The following ANKHD1 variants were observed in gnomAD, a reference collection of about 807,000 sequenced individuals.
The protein encoded by ANKHD1 is ankyrin repeat and KH domain-containing protein 1.
Under a neutral mutation model 230.5 loss-of-function variants are expected in ANKHD1, and 31 were observed. The observed-to-expected ratio is 0.13, with a 90% CI of 0.10 to 0.18. The LOEUF (loss-of-function observed/expected upper bound fraction) is 0.18, where lower values mean the gene tolerates loss of function less well. Ranked by LOEUF, ANKHD1 falls within the 10% of genes least tolerant of loss-of-function variation. The pLI, the probability that ANKHD1 is intolerant of heterozygous loss-of-function variation, is 1.00. For missense variants in ANKHD1, 2,256 were observed against 3,071.3 expected (o/e 0.73, Z 6.27); for synonymous variants, 1,074 against 1,117.6 (o/e 0.96, Z 0.78).
At chr5:140,417,958 G>GC (rs1426877111) in intron 1 of ANKHD1, among the ~76,000 whole-genome samples, 1 of 147,856 alleles carries the variant, frequency 6.8e-6, no homozygotes, top group African/African-American at 2.5e-5. Flanking sequence ...TCCTGCTTCA[G>GC]CCCCCCGAGT....
chr5:140,507,399 C>T lies in ANKHD1; in HGVS notation c.3552-386C>T, dbSNP rs1461663490. Among the ~76,000 whole-genome samples, 8 of 152,236 alleles carry T rather than the reference C, an allele frequency of 5.3e-5. No homozygotes were observed. Among genetic ancestry groups the T allele is most frequent in the South Asian group, 2.1e-4 (1 of 4,838 alleles). ...CTTGGCTTACCGCGAACTCTGCCTC[C>T]GGGGTTCAAGCGATTCTTATGCCTC... On this transcript the variant is annotated intron_variant, in intron 19 of 33. Coordinates refer to ENST00000360839, the MANE Select transcript of ANKHD1 (RefSeq NM_017747.3). This position sits in a 1 kb window ranked among gnomAD's most constrained non-coding sequence, Gnocchi z 4.1.
intron 15 of ANKHD1, among the ~76,000 whole-genome samples, chr5:140,501,736 G>A (rs964924496): frequency 2.0e-5 from 3 of 148,546 alleles, no homozygotes; most frequent in Non-Finnish European, 3.0e-5. Context: ...GTAACAGAGC[G>A]AGACTTCATC....
At chr5:140,508,193 A>C (rs758074165) in intron 20 of ANKHD1, among the ~76,000 whole-genome samples, 195 bp downstream of exon 20, 4 of 152,232 alleles carry the variant, frequency 2.6e-5, no homozygotes, top group Non-Finnish European at 5.9e-5. Context: ...ACAATGAAGA[A>C]AACAGAATTA....
At chr5:140,472,227 T>C (rs1489938206) in intron 10 of ANKHD1, 1 of 1,611,560 alleles carries the variant, frequency 6.2e-7, no homozygotes, top group South Asian at 1.1e-5. Context: ...GTTCTTCTTT[T>C]TCCTTTCGCA....
At chr5:140,521,470 A>C (rs560405020) in intron 24 of ANKHD1, among the ~76,000 whole-genome samples, 1 of 152,058 alleles carries the variant, frequency 6.6e-6, no homozygotes, top group Non-Finnish European at 1.5e-5. Context: ...CCCTGTCTCT[A>C]CTTAAAAAAA....
chr5:140,485,571 A>C lies in ANKHD1; in HGVS notation c.1999-18A>C, dbSNP rs201970625. On this transcript the variant is annotated intron_variant, in intron 12 of 33. Transcript: ENST00000360839. This position sits in a 1 kb window ranked among gnomAD's most constrained non-coding sequence, Gnocchi z 4.8. Reference sequence around the variant, plus strand: ...AAGAAACTATAAAGAATTAATTATCATGGCAATTCTTTTTCAGGATGGTTC... The same window carrying C: ...AAGAAACTATAAAGAATTAATTATCCTGGCAATTCTTTTTCAGGATGGTTC... The C allele has an allele frequency of 2.5e-5, 40 of 1,611,312 alleles. No homozygotes were observed. Among genetic ancestry groups the C allele is most frequent in the Non-Finnish European group, 5.9e-6 (7 of 1,179,238 alleles).
chr5:140,491,936 G>A (rs1177593798), intron 14 of ANKHD1, among the ~76,000 whole-genome samples: 1 of 152,174 alleles, frequency 6.6e-6, no homozygotes, highest in Non-Finnish European at 1.5e-5. Context: ...TTTTAAGAAA[G>A]ACATTGTGAT....
At chr5:140,437,814 G>A (rs983876699) in intron 2 of ANKHD1, among the ~76,000 whole-genome samples, 12 of 152,060 alleles carry the variant, frequency 7.9e-5, no homozygotes, top group Admixed American at 6.6e-4. Context: ...TTTTGAGAGG[G>A]CCTCACACCT....
intron 10 of ANKHD1, among the ~76,000 whole-genome samples, chr5:140,481,283 C>T (rs1172062548): frequency 6.6e-6 from 1 of 151,938 alleles, no homozygotes; most frequent in Non-Finnish European, 1.5e-5. Context: ...AAGTAAATTG[C>T]CAGAATGTTA....
At chr5:140,489,948 A>G (rs577371588) in intron 14 of ANKHD1, among the ~76,000 whole-genome samples, 30 of 152,354 alleles carry the variant, frequency 2.0e-4, no homozygotes, top group African/African-American at 6.0e-4. Context: ...TTATGTTGCT[A>G]TGAATTAGGA....
chr5:140,509,461 A>G (rs1036144718), intron 20 of ANKHD1, among the ~76,000 whole-genome samples, 176 bp from the exon 21 acceptor site: 1 of 152,242 alleles, frequency 6.6e-6, no homozygotes, highest in Non-Finnish European at 1.5e-5. Flanking sequence ...ACTGCTGTTT[A>G]GTAAAATTCA....
intron 11 of ANKHD1, 91 bp downstream of exon 11, chr5:140,482,758 AC>A: frequency 7.3e-7 from 1 of 1,371,300 alleles, no homozygotes; most frequent in Non-Finnish European, 1.0e-6. Flanking sequence ...TGGCTACTTT[AC>A]CTACAGTAAA....
At chr5:140,408,143 C>CTG (rs1190374219) in intron 1 of ANKHD1, among the ~76,000 whole-genome samples, 1 of 152,128 alleles carries the variant, frequency 6.6e-6, no homozygotes, top group Non-Finnish European at 1.5e-5. Context: ...TACCAGTGCA[C>CTG]TCCAGTCTGG....
chr5:140,485,919 A>G lies in ANKHD1; in HGVS notation c.2142+187A>G. 1.2e-6 allele frequency: 1 copy of G among 857,690 alleles called. No individual in the cohort carries two copies. The highest frequency in any genetic ancestry group is 1.7e-6 in the Non-Finnish European group (1 of 589,260). The allele number at this position is 857,690 out of a possible 1,614,324, so 53.1% of individuals were successfully genotyped here. ...GTACACTGAAATTTGTTATTGCCTT[A>G]TTTATTGAGAATAGTGGTTTTTAAA... On this transcript the variant is annotated intron_variant, in intron 13 of 33. Coordinates refer to ENST00000360839, the MANE Select transcript of ANKHD1 (RefSeq NM_017747.3). This position sits in a 1 kb window ranked among gnomAD's most constrained non-coding sequence, Gnocchi z 4.8.
At chr5:140,453,182 G>A (rs1774888238) in intron 7 of ANKHD1, among the ~76,000 whole-genome samples, 1 of 152,148 alleles carries the variant, frequency 6.6e-6, no homozygotes, top group South Asian at 2.1e-4. Context: ...AAAAAGAAAT[G>A]AGCAAAGCCT....
At chr5:140,489,238 T>TG (rs1054264502) in intron 14 of ANKHD1, among the ~76,000 whole-genome samples, 1 of 151,366 alleles carries the variant, frequency 6.6e-6, no homozygotes, top group African/African-American at 2.4e-5. Flanking sequence ...CTATGTGCTG[T>TG]GGCTCATACC....
At position 140,527,013 on chromosome 5, in the gene ANKHD1, A is replaced by C. The variant is rs1234938266; in HGVS notation, c.5026A>C (p.Asn1676His). ...ATTAAGCTCTCCAAACATAAAGCTGAATCTCACTAGCCCTAAAAGGGGTCA... is the reference window on the plus strand; with the variant it reads ...ATTAAGCTCTCCAAACATAAAGCTGCATCTCACTAGCCCTAAAAGGGGTCA... ...LPLSSPNIKL[N>H]LTSPKRGQKR... The change falls in exon 27 of 34, where the codon AAT becomes CAT. Residue 1676 changes from asparagine (N) to histidine (H), a missense_variant. By Grantham distance (68) the Asn-to-His change is moderately conservative (BLOSUM62 1). Coordinates refer to ENST00000360839, the MANE Select transcript of ANKHD1 (RefSeq NM_017747.3). This position sits in a 1 kb window ranked among gnomAD's most constrained non-coding sequence, Gnocchi z 4.5. 2.5e-6 allele frequency: 4 copies of C among 1,613,844 alleles called. No homozygotes were observed. Among genetic ancestry groups the C allele is most frequent in the Non-Finnish European group, 3.4e-6 (4 of 1,179,882 alleles).
At chr5:140,499,454 A>G (rs541698689) in intron 15 of ANKHD1, among the ~76,000 whole-genome samples, 2 of 152,210 alleles carry the variant, frequency 1.3e-5, no homozygotes, top group Non-Finnish European at 2.9e-5. Flanking sequence ...TTAGAATTTT[A>G]CTTTAGAAGT....
Position 140,436,105 on chromosome 5 carries a change from T to G in ANKHD1, c.308T>G (p.Val103Gly). ...ATTGCATCTTTATTTCATTAACAGG[T>G]TGAATCATTTATTTTGGACCAAGAA... is the stretch of plus-strand genomic sequence containing the variant. ...SGSDEDEVSE[V>G]ESFILDQEDL... The change falls in exon 2 of 34, where the codon GTT (valine) becomes GGT (glycine). Residue 103 changes from valine to glycine, a missense_variant and splice_region_variant. Coordinates refer to ENST00000360839, the MANE Select transcript of ANKHD1 (RefSeq NM_017747.3). The G allele has an allele frequency of 6.4e-7, 1 of 1,555,276 alleles. No individual in the cohort carries two copies.
Sources: gnomAD v4.1 joint callset for allele counts (sites outside exome capture counted in the v4.1 genomes callset) on GRCh38, gnomAD v4.1.1 for gene constraint, Gnocchi (gnomAD v3.1) non-coding constraint, MANE v1.5 for transcripts, NCBI Gene and HGNC (gene_info 2026-07-23, HGNC 2026-07-21) for gene names.